GLIS2: variants seen among roughly 807,000 people sequenced by gnomAD.
GLIS2 encodes zinc finger protein GLIS2.
A neutral mutation model predicts 35.6 loss-of-function variants in GLIS2; 14 were observed. The observed-to-expected ratio is 0.39, with a 90% CI of 0.26 to 0.61. The LOEUF is 0.61. Among genes scored for constraint, GLIS2 ranks in the 20% least tolerant of loss-of-function variants. The probability of loss-of-function intolerance (pLI) is 0.48; values close to 1 mark genes in which losing one functional copy is unlikely to be tolerated. For missense variants in GLIS2, 675 were observed against 713.4 expected, an observed-to-expected ratio of 0.95 and a Z score of 0.61; for synonymous variants, 368 against 325.1, an observed-to-expected ratio of 1.13 and a Z score of -1.42.
Position 4,337,876 on chromosome 16 carries a change from T to G in GLIS2, c.*352T>G. ...CACCTAGTGACCACCCATGGCAAGTTGCCCTCTCCCAGCAGAGGGGGTGGG... is the reference window on the plus strand; with the variant it reads ...CACCTAGTGACCACCCATGGCAAGTGGCCCTCTCCCAGCAGAGGGGGTGGG... On this transcript the variant is annotated 3_prime_UTR_variant, in exon 7 of 7. Transcript: ENST00000433375. 2.4e-6 allele frequency: 1 copy of G among 419,742 alleles called. No individual in the cohort carries two copies. Among genetic ancestry groups the G allele is most frequent in the Non-Finnish European group, 4.4e-6 (1 of 224,892 alleles). 26.0% of individuals were successfully genotyped at this position (419,742 alleles called of 1,614,324 possible).
chr16:4,318,147 C>T (rs1373129837), intron 1 of GLIS2, among the ~76,000 whole-genome samples: 2 of 152,210 alleles, frequency 1.3e-5, no homozygotes, highest in African/African-American at 4.8e-5. Context: ...TCAGTGGCTT[C>T]TGGGGATTGG....
At chr16:4,318,451 A>G (rs966351100) in intron 1 of GLIS2, among the ~76,000 whole-genome samples, 19 of 152,198 alleles carry the variant, frequency 1.2e-4, no homozygotes, top group Non-Finnish European at 2.4e-4. Context: ...GATGCCACAG[A>G]CATCCCAAAA....
intron 1 of GLIS2, among the ~76,000 whole-genome samples, chr16:4,318,639 C>T (rs1461578948): frequency 6.6e-6 from 1 of 152,198 alleles, no homozygotes; most frequent in African/African-American, 2.4e-5. Context: ...TCCCAGGGCC[C>T]CTTCTTGGGG....
rs1195161157 is a variant in GLIS2, at chr16:4,332,231, C to A, written c.-50C>A. The A allele has an allele frequency of 6.3e-7, 1 of 1,597,636 alleles. No individual in the cohort carries two copies. The highest frequency in any genetic ancestry group is 1.1e-5 in the South Asian group (1 of 89,220). ...CTTCCCCAGGTTCCTGCGTGAAGAC[C>A]AGCTGGGAGCCCACTGCCTGCTGCC... On this transcript the variant is annotated 5_prime_UTR_variant, in exon 2 of 7. Coordinates refer to ENST00000433375, the MANE Select transcript of GLIS2 (RefSeq NM_032575.3). The surrounding 1 kb of genome is among the most constrained non-coding windows in gnomAD (Gnocchi z 5.4).
At chr16:4,327,440 G>A (rs917973339) in intron 1 of GLIS2, among the ~76,000 whole-genome samples, 11 of 152,206 alleles carry the variant, frequency 7.2e-5, no homozygotes, top group Admixed American at 2.6e-4. Context: ...TGTCTTTTCC[G>A]GGCCTTAGTT....
chr16:4,315,665 G>A (rs2053299982), upstream of GLIS2, among the ~76,000 whole-genome samples: 1 of 141,534 alleles, frequency 7.1e-6, no homozygotes, highest in South Asian at 2.2e-4. Context: ...GGGCGGGGCC[G>A]CGGGGGGGGG....
At chr16:4,333,644 G>C in intron 3 of GLIS2, 125 bp downstream of exon 3, 1 of 1,124,792 alleles carries the variant, frequency 8.9e-7, no homozygotes, top group Non-Finnish European at 1.2e-6. Flanking sequence ...CTGGAGGCTG[G>C]AGTCTACCTG....
rs543769721 is a variant in GLIS2, at chr16:4,325,098, G to A, written c.-66-7117G>A. 1.2e-4 allele frequency among the ~76,000 whole-genome samples: 19 copies of A among 152,284 alleles called. No homozygotes were observed. The South Asian group carries it at 2.9e-3, about 23-fold the overall frequency. ...TTGCTTTGGCAGCAGATCTGCCCTC[G>A]GCTCTCCAAGCCTCCTGGTGGGCCC... On this transcript the variant is annotated intron_variant, in intron 1 of 6. Transcript: ENST00000433375.
Position 4,320,572 on chromosome 16 carries a change from C to T in GLIS2, c.-67+4318C>T, listed in dbSNP as rs1024882986. Among the ~76,000 whole-genome samples, 1 of 152,072 alleles carries T rather than the reference C, an allele frequency of 6.6e-6. No homozygotes were observed. Among genetic ancestry groups the T allele is most frequent in the East Asian group, 1.9e-4 (1 of 5,186 alleles). On this transcript the variant is annotated intron_variant, in intron 1 of 6. Coordinates refer to ENST00000433375, the MANE Select transcript of GLIS2 (RefSeq NM_032575.3). This position sits in a 1 kb window ranked among gnomAD's most constrained non-coding sequence, Gnocchi z 5.6. ...AATCCCCCCAGCTCCACTCCTGCCC[C>T]CCACGTCCACTGCAAGGGCATGACG...
At chr16:4,323,583 GGCTC>G in intron 1 of GLIS2, among the ~76,000 whole-genome samples, 1 of 152,300 alleles carries the variant, frequency 6.6e-6, no homozygotes, top group South Asian at 2.1e-4. Context: ...TGTGTGCCGG[GGCTC>G]CCGGAGCCCG....
chr16:4,328,115 G>A (rs1270221482), intron 1 of GLIS2: 1 of 152,310 alleles, frequency 6.6e-6, no homozygotes, highest in African/African-American at 2.4e-5. Flanking sequence ...AGCATCCACG[G>A]GGTGCCCCCA....
chr16:4,337,578 C>CG lies in GLIS2; in HGVS notation c.*55dup. The CG allele has an allele frequency of 6.5e-7, 1 of 1,535,532 alleles. No homozygotes were observed. Among genetic ancestry groups the CG allele is most frequent in the Non-Finnish European group, 8.7e-7 (1 of 1,146,168 alleles). ...CCCCGGCAGCTCCCGGCACTGCCCC[C>CG]GACGAACGGAAACTCTTCTGTGAAA... On this transcript the variant is annotated 3_prime_UTR_variant, in exon 7 of 7. Transcript: ENST00000433375.
chr16:4,335,653 A>C lies in GLIS2; in HGVS notation c.775+260A>C, dbSNP rs2141133531. On this transcript the variant is annotated intron_variant, in intron 6 of 6. Transcript: ENST00000433375. The surrounding 1 kb of genome is among the most constrained non-coding windows in gnomAD (Gnocchi z 4.6). ...CCGTGGGTATCTTCTGACTAATGCCACCTCTGTGATCGCAGAGGCCAGGTC... is the reference window on the plus strand; with the variant it reads ...CCGTGGGTATCTTCTGACTAATGCCCCCTCTGTGATCGCAGAGGCCAGGTC... 6.6e-6 allele frequency among the ~76,000 whole-genome samples: 1 copy of C among 152,172 alleles called. No individual in the cohort carries two copies. Among genetic ancestry groups the C allele is most frequent in the East Asian group, 1.9e-4 (1 of 5,176 alleles).
chr16:4,336,526 A>C, intron 6 of GLIS2, 199 bp from the exon 7 acceptor site: 2 of 668,580 alleles, frequency 3.0e-6, no homozygotes, highest in Middle Eastern at 3.9e-4. Flanking sequence ...AGCTGGAGTC[A>C]ACCAGGCTGA....
At position 4,335,325 on chromosome 16, in the gene GLIS2, G is replaced by T; in HGVS notation, c.707G>T (p.Arg236Leu). Residue 236 changes from arginine (R) to leucine (L), a missense_variant, in exon 6 of 7, where the codon CGC (arginine) becomes CTC (leucine). Arg to Leu is a moderately radical substitution (Grantham distance 102, BLOSUM62 -2). Around this residue, in one of 3 missense-constraint regions of GLIS2, gnomAD observed 133 missense variants for 191.4 expected, o/e 0.69. Transcript: ENST00000433375. This position sits in a 1 kb window ranked among gnomAD's most constrained non-coding sequence, Gnocchi z 4.6. ...ACACACACCAACGAGAAGCCACACCGCTGTCCGACCTGCAGCAAGAGCTTC... is the reference window on the plus strand; with the variant it reads ...ACACACACCAACGAGAAGCCACACCTCTGTCCGACCTGCAGCAAGAGCTTC... Reference protein sequence around the residue: ...IRTHTNEKPHRCPTCSKSFSR... With the variant: ...IRTHTNEKPHLCPTCSKSFSR... The T allele has an allele frequency of 1.2e-6, 2 of 1,613,834 alleles. No individual in the cohort carries two copies. The highest frequency in any genetic ancestry group is 1.7e-6 in the Non-Finnish European group (2 of 1,180,028).
At chr16:4,327,892 C>G (rs954080015) in intron 1 of GLIS2, among the ~76,000 whole-genome samples, 1 of 152,090 alleles carries the variant, frequency 6.6e-6, no homozygotes, top group Non-Finnish European at 1.5e-5. Context: ...CACCCCCCAC[C>G]GACAACCCCA....
In GLIS2 at chr16:4,332,394, G is replaced by C; in HGVS notation, c.114G>C (p.Arg38Ser). 1 of 1,612,938 alleles carries C rather than the reference G, an allele frequency of 6.2e-7. No homozygotes were observed. Among genetic ancestry groups the C allele is most frequent in the Non-Finnish European group, 8.5e-7 (1 of 1,180,018 alleles). The change falls in exon 2 of 7, where the codon AGG becomes AGC. Residue 38 changes from arginine to serine, a missense_variant. Arg to Ser is a moderately radical substitution (Grantham distance 110). This residue lies in a region of GLIS2 where 225 missense variants were observed against 238.7 expected (regional missense o/e 0.94). Coordinates refer to ENST00000433375, the MANE Select transcript of GLIS2 (RefSeq NM_032575.3). This position sits in a 1 kb window ranked among gnomAD's most constrained non-coding sequence, Gnocchi z 5.4. ...TGGTCCGGCCCCGTGCTCTGCACAGGGAGCTGGGCCTGGTGGATGACAGCC... is the reference window on the plus strand; with the variant it reads ...TGGTCCGGCCCCGTGCTCTGCACAGCGAGCTGGGCCTGGTGGATGACAGCC... Reference protein sequence around the residue: ...LGVVRPRALHRELGLVDDSPT... With the variant: ...LGVVRPRALHSELGLVDDSPT...
upstream of GLIS2, among the ~76,000 whole-genome samples, chr16:4,315,761 C>T (rs1314039738): frequency 6.6e-6 from 1 of 151,014 alleles, no homozygotes; most frequent in Non-Finnish European, 1.5e-5. Context: ...TGCCCGCTCC[C>T]CGCGGCCGCG....
Position 4,333,439 on chromosome 16 carries a change from C to A in GLIS2, c.265C>A (p.Leu89Met), listed in dbSNP as rs970865507. The A allele has an allele frequency of 7.4e-6, 12 of 1,612,860 alleles. No homozygotes were observed. The African/African-American group carries it at 1.3e-4, about 18-fold the overall frequency. Residue 89 changes from leucine to methionine, a missense_variant, in exon 3 of 7, where the codon CTG becomes ATG. By Grantham distance (15) the Leu-to-Met change is conservative (BLOSUM62 2). Coordinates refer to ENST00000433375, the MANE Select transcript of GLIS2 (RefSeq NM_032575.3). The stretch of plus-strand genomic sequence containing the variant: ...CCTCAGCCTGTCACCACCATCTGGG[C>A]TGGACTCCCCCAATGGCAGCAGCTC... ...VDLSLSPPSGLDSPNGSSSLS... is the reference protein window; with the variant it reads ...VDLSLSPPSGMDSPNGSSSLS...
Sources: gnomAD v4.1 joint callset for allele counts (sites outside exome capture counted in the v4.1 genomes callset) on GRCh38, gnomAD v4.1.1 for gene constraint, gnomAD v4.1.1 regional missense constraint, Gnocchi (gnomAD v3.1) non-coding constraint, MANE v1.5 for transcripts, NCBI Gene and HGNC (gene_info 2026-07-23, HGNC 2026-07-21) for gene names.